SHROOM2: variants seen among roughly 807,000 people sequenced by gnomAD.
The protein encoded by SHROOM2 is protein Shroom2.
In SHROOM2, 33 loss-of-function variants were observed where a neutral mutation model predicts 75.9. The observed-to-expected ratio is 0.43, with a 90% confidence interval of 0.33 to 0.58. The LOEUF (loss-of-function observed/expected upper bound fraction) is 0.58, where lower values mean the gene tolerates loss of function less well. Among genes scored for constraint, SHROOM2 ranks in the 20% least tolerant of loss-of-function variants. The probability of loss-of-function intolerance (pLI) is 0.04; values close to 1 mark genes in which losing one functional copy is unlikely to be tolerated. For missense variants in SHROOM2, 1,434 were observed against 1,461.2 expected, an observed-to-expected ratio of 0.98 and a Z score of 0.30; for synonymous variants, 655 against 663.6, an observed-to-expected ratio of 0.99 and a Z score of 0.20.
At position 9,894,732 on chromosome X, in the gene SHROOM2, A is replaced by G; in HGVS notation, c.824A>G (p.Asp275Gly). ...TGTTTCCCGCCCAGGGTCCCCGGTG[A>G]CAGCGGCAAAGGCCCCAGGCCAGAG... ...LSCFPPRVPG[D>G]SGKGPRPEYN... The change falls in exon 4 of 10, where the codon GAC becomes GGC. Residue 275 changes from aspartate (D) to glycine (G), a missense_variant. Around this residue, in one of 3 missense-constraint regions of SHROOM2, gnomAD observed 1,340 missense variants for 1,338.3 expected, o/e 1.00. Coordinates refer to ENST00000380913, the MANE Select transcript of SHROOM2 (RefSeq NM_001649.4). 1 of 1,211,033 alleles carries G rather than the reference A, an allele frequency of 8.3e-7. No homozygotes were observed. The highest frequency in any genetic ancestry group is 1.1e-6 in the Non-Finnish European group (1 of 895,162).
chrX:9,887,052 C>T (rs2084264853), intron 2 of SHROOM2, among the ~76,000 whole-genome samples: 1 of 112,543 alleles, frequency 8.9e-6, no homozygotes, highest in Admixed American at 9.4e-5. Flanking sequence ...TTCTCAGCTG[C>T]TAGAAGGCTT....
chrX:9,915,440 G>T (rs1237809157), intron 5 of SHROOM2, among the ~76,000 whole-genome samples: 1 of 112,077 alleles, frequency 8.9e-6, no homozygotes, highest in African/African-American at 3.2e-5. Flanking sequence ...TCTGTCAACA[G>T]GGCTTTGTTG....
intron 5 of SHROOM2, among the ~76,000 whole-genome samples, chrX:9,907,405 G>A (rs1211607654): frequency 2.7e-5 from 3 of 110,784 alleles, no homozygotes; most frequent in African/African-American, 6.6e-5. Context: ...GCACCCTCCC[G>A]GCTCCCCTTC....
chrX:9,933,077 C>CT (rs1476237828), intron 6 of SHROOM2, among the ~76,000 whole-genome samples: 1 of 111,324 alleles, frequency 9.0e-6, no homozygotes, highest in African/African-American at 3.3e-5. Context: ...CTGCTGTTTC[C>CT]TGCAGGGAAC....
Position 9,867,386 on chromosome X carries a change from C to T in SHROOM2, c.166-6266C>T, listed in dbSNP as rs189806537. ...GGGTCGGGGATGATTGACTTCCTAG[C>T]TTTTTGTAGAGGGGCTTTTTGAGGT... On this transcript the variant is annotated intron_variant, in intron 1 of 9. Coordinates refer to ENST00000380913, the MANE Select transcript of SHROOM2 (RefSeq NM_001649.4). Among the ~76,000 whole-genome samples the T allele has an allele frequency of 3.6e-3, 405 of 111,403 alleles. 1 individual carries two copies. Among genetic ancestry groups the T allele is most frequent in the African/African-American group, 0.012 (383 of 30,653 alleles).
In SHROOM2 at chrX:9,896,687, C is replaced by T; in HGVS notation, c.2779C>T (p.His927Tyr). 8.5e-7 allele frequency: 1 copy of T among 1,179,956 alleles called. No homozygotes were observed. Among genetic ancestry groups the T allele is most frequent in the Non-Finnish European group, 1.1e-6 (1 of 878,722 alleles). Residue 927 changes from histidine (H) to tyrosine (Y), a missense_variant, in exon 4 of 10, where the codon CAC (histidine) becomes TAC (tyrosine). Coordinates refer to ENST00000380913, the MANE Select transcript of SHROOM2 (RefSeq NM_001649.4). Reference sequence around the variant, plus strand: ...GTCCCGGTCTTCACCGTCCACAGACCACTACAAGCAGGTAAGCATGGAGCC... The same window carrying T: ...GTCCCGGTCTTCACCGTCCACAGACTACTACAAGCAGGTAAGCATGGAGCC... Reference protein sequence around the residue: ...GRSRSSPSTDHYKQEASVELR... With the variant: ...GRSRSSPSTDYYKQEASVELR...
At chrX:9,840,893 A>G (rs1271724702) in intron 1 of SHROOM2, among the ~76,000 whole-genome samples, 2 of 112,690 alleles carry the variant, frequency 1.8e-5, no homozygotes, top group African/African-American at 3.2e-5. Context: ...AATGTTGCAC[A>G]TAACTTGCTT....
chrX:9,809,302 G>T (rs1056860631), intron 1 of SHROOM2, among the ~76,000 whole-genome samples: 3 of 111,219 alleles, frequency 2.7e-5, no homozygotes, highest in Non-Finnish European at 3.8e-5. Flanking sequence ...AAAGATGTAG[G>T]CTAGACCAGT....
rs183518634 is a variant in SHROOM2, at chrX:9,846,801, C to T, written c.166-26851C>T. ...TTGAACATGGATTTGGCATCTGTGC[C>T]GCCTCTGAGCCCATGCTTGGCTGAT... On this transcript the variant is annotated intron_variant, in intron 1 of 9. Coordinates refer to ENST00000380913, the MANE Select transcript of SHROOM2 (RefSeq NM_001649.4). Among the ~76,000 whole-genome samples the T allele has an allele frequency of 2.5e-3, 282 of 112,278 alleles. 2 individuals carry two copies. The highest frequency in any genetic ancestry group is 8.9e-3 in the African/African-American group (275 of 30,983).
chrX:9,946,330 G>A (rs755560682), intron 9 of SHROOM2, among the ~76,000 whole-genome samples: 1 of 113,322 alleles, frequency 8.8e-6, no homozygotes, highest in East Asian at 2.8e-4. Flanking sequence ...TTTGCCCTTT[G>A]CAGCATCTCA....
chrX:9,946,658 T>C lies in SHROOM2; in HGVS notation c.4585-13T>C. On this transcript the variant is annotated splice_polypyrimidine_tract_variant and intron_variant, in intron 9 of 9. Coordinates refer to ENST00000380913, the MANE Select transcript of SHROOM2 (RefSeq NM_001649.4). ...CATCCTGGTCCTCAACAGGCTTGTTTGTCTGTCAACAGCAATCACTGCTTG... is the reference window on the plus strand; with the variant it reads ...CATCCTGGTCCTCAACAGGCTTGTTCGTCTGTCAACAGCAATCACTGCTTG... 8.3e-7 allele frequency: 1 copy of C among 1,201,148 alleles called. No homozygotes were observed. The highest frequency in any genetic ancestry group is 1.1e-6 in the Non-Finnish European group (1 of 889,407).
intron 1 of SHROOM2, among the ~76,000 whole-genome samples, chrX:9,809,023 A>C (rs921441608): frequency 1.7e-4 from 19 of 109,486 alleles, no homozygotes; most frequent in Non-Finnish European, 1.1e-4. Context: ...GAATCCCTAC[A>C]TCCATTAGTA....
intron 1 of SHROOM2, among the ~76,000 whole-genome samples, chrX:9,789,602 G>T (rs750133283): frequency 5.8e-4 from 65 of 111,175 alleles, no homozygotes; most frequent in African/African-American, 2.1e-3. Flanking sequence ...TTCAGTGGGG[G>T]GAGGGGAGGG....
At position 9,895,565 on chromosome X, in the gene SHROOM2, C is replaced by G. The variant is rs2084323484; in HGVS notation, c.1657C>G (p.Pro553Ala). 2.6e-6 allele frequency: 3 copies of G among 1,173,671 alleles called. No individual in the cohort carries two copies. The highest frequency in any genetic ancestry group is 3.4e-6 in the Non-Finnish European group (3 of 878,393). ...CTGCTCCGCGGGAGCCCAGGAGCCT[C>G]CCAGGGCCAGCCGTGCAGAAAAAGC... ...EGCSAGAQEP[P>A]RASRAEKASQ... Residue 553 changes from proline to alanine, a missense_variant, in exon 4 of 10, where the codon CCC (proline) becomes GCC (alanine). Around this residue, in one of 3 missense-constraint regions of SHROOM2, gnomAD observed 1,340 missense variants for 1,338.3 expected, o/e 1.00. Coordinates refer to ENST00000380913, the MANE Select transcript of SHROOM2 (RefSeq NM_001649.4).
In SHROOM2 at chrX:9,932,229, G is replaced by A. The variant is rs1192694449; in HGVS notation, c.2946G>A (p.Pro982=). The A allele has an allele frequency of 1.4e-5, 16 of 1,158,353 alleles. No homozygotes were observed. Among genetic ancestry groups the A allele is most frequent in the Admixed American group, 5.3e-5 (2 of 37,911 alleles). ...GCCCAGGATCACAGCAGCACCCACC[G>A]AGTCAGAAGGCACCGAACCCACCCA... The part of the protein sequence containing the change: ...EGSPGSQQHP[P]SQKAPNPPTF... Residue 982 remains proline (P), a synonymous_variant, in exon 6 of 10, where the codon CCG becomes CCA. Coordinates refer to ENST00000380913, the MANE Select transcript of SHROOM2 (RefSeq NM_001649.4).
chrX:9,833,019 C>T (rs917994350), intron 1 of SHROOM2, among the ~76,000 whole-genome samples: 3 of 110,354 alleles, frequency 2.7e-5, no homozygotes, highest in Admixed American at 9.6e-5. Flanking sequence ...GAGGAGTTGC[C>T]GGCACAATGG....
intron 1 of SHROOM2, among the ~76,000 whole-genome samples, chrX:9,873,235 A>G (rs1601958535): frequency 8.9e-6 from 1 of 112,594 alleles, no homozygotes; most frequent in African/African-American, 3.2e-5. Context: ...ACTAAAAGCC[A>G]TGCTTTATTT....
intron 1 of SHROOM2, among the ~76,000 whole-genome samples, chrX:9,848,319 A>G (rs866444678): frequency 1.6e-4 from 16 of 102,915 alleles, no homozygotes; most frequent in African/African-American, 5.3e-4. Context: ...CCTGGCTAAC[A>G]AGGTGAAACC....
chrX:9,943,462 C>G (rs926390597), intron 8 of SHROOM2, among the ~76,000 whole-genome samples: 1 of 110,990 alleles, frequency 9.0e-6, no homozygotes, highest in Non-Finnish European at 1.9e-5. Flanking sequence ...TGTGAGTAGC[C>G]ACTGCACTGC....
Sources: allele counts gnomAD v4.1 joint callset (sites outside exome capture counted in the v4.1 genomes callset), GRCh38; gene constraint gnomAD v4.1.1; regional missense constraint gnomAD v4.1.1; transcripts MANE v1.5; gene names NCBI Gene and HGNC (gene_info 2026-07-23, HGNC 2026-07-21).